The following CDC42BPA variants were observed in gnomAD, a reference collection of about 807,000 sequenced individuals.
The protein encoded by CDC42BPA is serine/threonine-protein kinase MRCK alpha.
A neutral mutation model predicts 223.5 loss-of-function variants in CDC42BPA; 80 were observed. The ratio of observed to expected loss-of-function variants is 0.36; its 90% CI spans 0.30 to 0.43. CDC42BPA has a LOEUF of 0.43. Among genes scored for constraint, CDC42BPA ranks in the 20% least tolerant of loss-of-function variants. CDC42BPA has a pLI of 1.00. For missense variants in CDC42BPA, 1,743 were observed against 2,099.9 expected (o/e 0.83, Z 3.32); for synonymous variants, 694 against 718.6 (o/e 0.97, Z 0.55).
intron 35 of CDC42BPA, among the ~76,000 whole-genome samples, chr1:226,996,045 A>G (rs1661531546): frequency 6.6e-6 from 1 of 152,230 alleles, no homozygotes; most frequent in Non-Finnish European, 1.5e-5. Flanking sequence ...AATAAACTGA[A>G]CAAGAGCCTG....
chr1:227,212,712 T>C (rs974182459), intron 3 of CDC42BPA, among the ~76,000 whole-genome samples: 1 of 152,196 alleles, frequency 6.6e-6, no homozygotes, highest in Non-Finnish European at 1.5e-5. Flanking sequence ...ACAAAGTGAC[T>C]GCATAATCAG....
chr1:227,306,940 G>A (rs1692662749), intron 1 of CDC42BPA, among the ~76,000 whole-genome samples: 1 of 152,192 alleles, frequency 6.6e-6, no homozygotes, highest in African/African-American at 2.4e-5. Flanking sequence ...GATACTTAAG[G>A]ATGGGATTCT....
At chr1:227,181,888 A>C (rs1404728605) in intron 5 of CDC42BPA, among the ~76,000 whole-genome samples, 1 of 152,214 alleles carries the variant, frequency 6.6e-6, no homozygotes, top group African/African-American at 2.4e-5. Context: ...ACTTACATAA[A>C]AGCAGGCAAT....
At chr1:227,005,691 G>A (rs1663882580) in intron 34 of CDC42BPA, among the ~76,000 whole-genome samples, 1 of 152,162 alleles carries the variant, frequency 6.6e-6, no homozygotes, top group South Asian at 2.1e-4. Flanking sequence ...GTTAATTTGG[G>A]AATATTAGTT....
chr1:227,027,209 G>A (rs746030542), intron 30 of CDC42BPA, among the ~76,000 whole-genome samples: 6 of 152,170 alleles, frequency 3.9e-5, no homozygotes, highest in South Asian at 2.1e-4. Flanking sequence ...TAGTTAAGTC[G>A]TTCATCCCAG....
chr1:227,001,854 C>T (rs1662916400), intron 35 of CDC42BPA, among the ~76,000 whole-genome samples: 2 of 152,168 alleles, frequency 1.3e-5, no homozygotes, highest in South Asian at 4.2e-4. Context: ...TTTCAGTGAG[C>T]CAAGATCGTG....
intron 24 of CDC42BPA, among the ~76,000 whole-genome samples, chr1:227,039,826 CT>C (rs1239052170): frequency 6.6e-6 from 1 of 151,890 alleles, no homozygotes; most frequent in Non-Finnish European, 1.5e-5. Flanking sequence ...ATAACAATTT[CT>C]CTAATAAATT....
intron 24 of CDC42BPA, among the ~76,000 whole-genome samples, chr1:227,037,372 T>C (rs749188037): frequency 3.3e-5 from 5 of 152,238 alleles, no homozygotes; most frequent in Non-Finnish European, 5.9e-5. Context: ...ATGTCATTCA[T>C]GTTTATAACT....
intron 23 of CDC42BPA, among the ~76,000 whole-genome samples, chr1:227,042,607 G>C (rs898036570): frequency 6.6e-6 from 1 of 152,058 alleles, no homozygotes; most frequent in African/African-American, 2.4e-5. Context: ...TTTTGTTTTT[G>C]TTTTGGTGTG....
intron 23 of CDC42BPA, among the ~76,000 whole-genome samples, chr1:227,044,583 T>C (rs1672032102): frequency 6.6e-6 from 1 of 152,214 alleles, no homozygotes; most frequent in Non-Finnish European, 1.5e-5. Flanking sequence ...CCTTCTGTAA[T>C]AGGTATCTAT....
chr1:227,113,977 C>T (rs1232576749), intron 12 of CDC42BPA, among the ~76,000 whole-genome samples: 1 of 140,244 alleles, frequency 7.1e-6, no homozygotes, highest in East Asian at 2.2e-4. Context: ...GAGATCACTC[C>T]ATTGCACTCT....
chr1:227,305,055 T>C (rs776074274), intron 1 of CDC42BPA, among the ~76,000 whole-genome samples: 20 of 152,174 alleles, frequency 1.3e-4, no homozygotes, highest in Non-Finnish European at 2.2e-4. Flanking sequence ...GCCCTAAAGA[T>C]TAGATGACAA....
intron 5 of CDC42BPA, among the ~76,000 whole-genome samples, chr1:227,176,597 T>C (rs932701208): frequency 6.6e-6 from 1 of 151,382 alleles, no homozygotes; most frequent in Non-Finnish European, 1.5e-5. Context: ...AACTTTTTTC[T>C]GCTTTAGTTC....
At chr1:227,277,078 T>TAAAAAAAAAAAAAA (rs199895591) in intron 1 of CDC42BPA, among the ~76,000 whole-genome samples, 25 of 104,876 alleles carry the variant, frequency 2.4e-4, no homozygotes, top group Non-Finnish European at 3.4e-4. Flanking sequence ...CAATAAATAC[T>TAAAAAAAAAAAAAA]AAAAAAAAAA....
chr1:227,090,003 C>A (rs973160342), intron 16 of CDC42BPA, among the ~76,000 whole-genome samples: 2 of 142,086 alleles, frequency 1.4e-5, no homozygotes, highest in Non-Finnish European at 3.1e-5. Context: ...TTAGTCAACA[C>A]ATGAAATAAC....
rs1389473065 is a variant in CDC42BPA, at chr1:226,994,369, A to G, written c.5164T>C (p.Ser1722Pro). Reference sequence around the variant, plus strand: ...GGGCTGCTTAGGTTGGAACTGTTGGAAGCTGTGGAATGCCTCGGAGAGTCA... The same window carrying G: ...GGGCTGCTTAGGTTGGAACTGTTGGGAGCTGTGGAATGCCTCGGAGAGTCA... ...DSDSPRHSTA[S>P]NSSNLSSPPS... The change falls in exon 37 of 37, where the codon TCC becomes CCC. Residue 1722 changes from serine (S) to proline (P), a missense_variant. Coordinates refer to ENST00000366766, the MANE Select transcript of CDC42BPA (RefSeq NM_001394014.1). The surrounding 1 kb of genome is among the most constrained non-coding windows in gnomAD (Gnocchi z 4.0). 1 of 1,586,918 alleles carries G rather than the reference A, an allele frequency of 6.3e-7. No individual in the cohort carries two copies. The highest frequency in any genetic ancestry group is 8.6e-7 in the Non-Finnish European group (1 of 1,164,952).
At chr1:227,310,981 G>A (rs773162576) in intron 1 of CDC42BPA, among the ~76,000 whole-genome samples, 3 of 151,812 alleles carry the variant, frequency 2.0e-5, no homozygotes, top group South Asian at 2.1e-4. Context: ...GTAAACCACC[G>A]CACCCGGCCA....
intron 10 of CDC42BPA, among the ~76,000 whole-genome samples, chr1:227,139,331 C>A (rs1659246686): frequency 6.6e-6 from 1 of 152,048 alleles, no homozygotes; most frequent in East Asian, 1.9e-4. Context: ...CAAAGGTATT[C>A]CCACACATTT....
intron 24 of CDC42BPA, 22 bp from the exon 25 acceptor site, chr1:227,035,629 C>T (rs373886037): frequency 7.1e-6 from 11 of 1,549,372 alleles, no homozygotes; most frequent in South Asian, 1.2e-5. Flanking sequence ...AAAAAAGAAA[C>T]GTTTGATAAA....
Sources: allele counts gnomAD v4.1 joint callset (sites outside exome capture counted in the v4.1 genomes callset), GRCh38; gene constraint gnomAD v4.1.1; non-coding constraint Gnocchi (gnomAD v3.1); transcripts MANE v1.5; gene names NCBI Gene and HGNC (gene_info 2026-07-23, HGNC 2026-07-21).